SHLD2: variants seen among roughly 807,000 people sequenced by gnomAD.
SHLD2 encodes shieldin complex subunit 2.
SHLD2 carries 30 observed loss-of-function variants against 73.2 expected under a neutral mutation model. The observed-to-expected ratio is 0.41, with a 90% CI of 0.31 to 0.56. SHLD2 has a LOEUF of 0.56. SHLD2 is among the 20% of genes least tolerant of loss of function. The pLI, the probability that SHLD2 is intolerant of heterozygous loss-of-function variation, is 0.28. For synonymous variants in SHLD2, 285 were observed against 370.1 expected (o/e 0.77, Z 2.64); for missense variants, 745 against 1,055.9 (o/e 0.71, Z 4.08).
At chr10:87,173,380 A>G (rs1847737702) in intron 6 of SHLD2, among the ~76,000 whole-genome samples, 1 of 152,118 alleles carries the variant, frequency 6.6e-6, no homozygotes, top group African/African-American at 2.4e-5. Flanking sequence ...AAACATGGTC[A>G]GTCTTGTTTC....
intron 2 of SHLD2, among the ~76,000 whole-genome samples, chr10:87,101,724 C>T: frequency 6.6e-6 from 1 of 152,126 alleles, no homozygotes; most frequent in East Asian, 1.9e-4. Context: ...GCCTGGCCAT[C>T]ACAGAGAAAC....
intron 9 of SHLD2, among the ~76,000 whole-genome samples, chr10:87,190,030 A>G (rs1040867327): frequency 5.9e-5 from 9 of 152,068 alleles, no homozygotes; most frequent in African/African-American, 2.2e-4. Flanking sequence ...TGTAACTAGA[A>G]AGAGAAGGTA....
chr10:87,095,478 A>G (rs958011011), intron 1 of SHLD2, among the ~76,000 whole-genome samples: 2 of 152,042 alleles, frequency 1.3e-5, no homozygotes, highest in African/African-American at 4.8e-5. Flanking sequence ...TGGCGGCCTC[A>G]GGCCGGGGCC....
chr10:87,189,778 C>G lies in SHLD2; in HGVS notation c.2516-706C>G, dbSNP rs566199891. Among the ~76,000 whole-genome samples, 299 of 152,116 alleles carry G rather than the reference C, an allele frequency of 2.0e-3. 4 individuals carry two copies. Among genetic ancestry groups the G allele is most frequent in the Admixed American group, 0.014 (216 of 15,276 alleles). Reference sequence around the variant, plus strand: ...ATGCAAAATAAAATAACACATTTAGCTATACTTTTAGTATTTTTTATTATT... The same window carrying G: ...ATGCAAAATAAAATAACACATTTAGGTATACTTTTAGTATTTTTTATTATT... On this transcript the variant is annotated intron_variant, in intron 9 of 9. Coordinates refer to ENST00000298786, the MANE Select transcript of SHLD2 (RefSeq NM_001330112.2).
intron 6 of SHLD2, among the ~76,000 whole-genome samples, chr10:87,174,634 T>A (rs1440165768): frequency 6.6e-6 from 1 of 151,806 alleles, no homozygotes; most frequent in African/African-American, 2.4e-5. Context: ...TAAATTAGAT[T>A]TATGGCCTGA....
intron 2 of SHLD2, among the ~76,000 whole-genome samples, chr10:87,146,124 A>G (rs1216532590): frequency 6.6e-6 from 1 of 151,874 alleles, no homozygotes; most frequent in Admixed American, 6.6e-5. Context: ...TTCTAGTCAA[A>G]TTTTTTTTGG....
chr10:87,156,062 T>G (rs1347658911), intron 3 of SHLD2, among the ~76,000 whole-genome samples: 1 of 150,404 alleles, frequency 6.6e-6, no homozygotes, highest in East Asian at 1.9e-4. Context: ...CAAACAGAAA[T>G]CTTCCTTTTT....
At chr10:87,140,451 A>G (rs1008930994) in intron 2 of SHLD2, among the ~76,000 whole-genome samples, 3 of 151,740 alleles carry the variant, frequency 2.0e-5, no homozygotes, top group Non-Finnish European at 2.9e-5. Context: ...AAATAAGAAA[A>G]TAGTGGCTCA....
intron 2 of SHLD2, among the ~76,000 whole-genome samples, chr10:87,116,192 T>C (rs1487616263): frequency 6.6e-6 from 1 of 151,850 alleles, no homozygotes; most frequent in Admixed American, 6.6e-5. Flanking sequence ...AGCGTGGATA[T>C]TTGTTGAGAG....
At chr10:87,166,321 G>A (rs1018130815) in intron 4 of SHLD2, among the ~76,000 whole-genome samples, 1 of 131,258 alleles carries the variant, frequency 7.6e-6, no homozygotes, top group African/African-American at 2.9e-5. Flanking sequence ...CTGGATATAA[G>A]ATTAACATAC....
intron 8 of SHLD2, among the ~76,000 whole-genome samples, chr10:87,181,143 G>C (rs1848281465): frequency 6.6e-6 from 1 of 151,796 alleles, no homozygotes; most frequent in African/African-American, 2.4e-5. Context: ...CACTTTGGGA[G>C]GCCGGGGTGG....
chr10:87,103,367 C>T (rs542210463), intron 2 of SHLD2, among the ~76,000 whole-genome samples: 1 of 152,188 alleles, frequency 6.6e-6, no homozygotes, highest in South Asian at 2.1e-4. Context: ...ACAGCATAGG[C>T]AAAGCTTAAA....
intron 2 of SHLD2, among the ~76,000 whole-genome samples, chr10:87,132,267 G>C (rs1336229888): frequency 6.6e-6 from 1 of 151,980 alleles, no homozygotes; most frequent in Non-Finnish European, 1.5e-5. Context: ...CAGGTTATTT[G>C]GAAGGATTAT....
At chr10:87,119,734 CG>C (rs1843474083) in intron 2 of SHLD2, among the ~76,000 whole-genome samples, 1 of 150,864 alleles carries the variant, frequency 6.6e-6, no homozygotes, top group Non-Finnish European at 1.5e-5. Context: ...GCCAAGATCG[CG>C]CCACTGCACT....
Position 87,108,200 on chromosome 10 carries a change from T to A in SHLD2, c.-6+11211T>A, listed in dbSNP as rs752961460. 2.4e-4 allele frequency among the ~76,000 whole-genome samples: 37 copies of A among 152,054 alleles called. 1 individual carries two copies. Among genetic ancestry groups the A allele is most frequent in the Non-Finnish European group, 4.7e-4 (32 of 68,014 alleles). On this transcript the variant is annotated intron_variant, in intron 2 of 9. Coordinates refer to ENST00000298786, the MANE Select transcript of SHLD2 (RefSeq NM_001330112.2). Reference sequence around the variant, plus strand: ...AAGTAGCTGGGATTACAGGCATGCGTCACCACACCAGGCCAATTTTGTGTT... The same window carrying A: ...AAGTAGCTGGGATTACAGGCATGCGACACCACACCAGGCCAATTTTGTGTT...
intron 2 of SHLD2, among the ~76,000 whole-genome samples, chr10:87,135,012 GTTTT>G (rs564920044): frequency 1.3e-5 from 2 of 151,564 alleles, no homozygotes; most frequent in African/African-American, 4.8e-5. Context: ...AGCTCCTACA[GTTTT>G]TTTTTCTTTC....
rs1847926883 is a variant in SHLD2 at position 87,175,938 on chromosome 10, A to G, written c.2013A>G (p.Leu671=). The G allele has an allele frequency of 2.6e-6, 4 of 1,550,698 alleles. No homozygotes were observed. Among genetic ancestry groups the G allele is most frequent in the African/African-American group, 1.4e-5 (1 of 72,994 alleles). Reference sequence around the variant, plus strand: ...TTTTTGTTCAGTGCAATTACACACTAGAAAACCTAGAATTGCATACAACGC... The same window carrying G: ...TTTTTGTTCAGTGCAATTACACACTGGAAAACCTAGAATTGCATACAACGC... ...KYLFVQCNYT[L]ENLELHTTPW... is the part of the protein sequence containing the mutation. Residue 671 remains leucine, a synonymous_variant, in exon 7 of 10, where the codon CTA becomes CTG. Coordinates refer to ENST00000298786, the MANE Select transcript of SHLD2 (RefSeq NM_001330112.2).
intron 2 of SHLD2, among the ~76,000 whole-genome samples, chr10:87,110,265 G>A (rs931882215): frequency 2.6e-5 from 4 of 151,700 alleles, no homozygotes; most frequent in Non-Finnish European, 5.9e-5. Context: ...CTCCAGCCTG[G>A]GCAACAAGAG....
At chr10:87,160,499 A>T (rs1222541460) in intron 4 of SHLD2, among the ~76,000 whole-genome samples, 4 of 152,154 alleles carry the variant, frequency 2.6e-5, no homozygotes, top group African/African-American at 9.7e-5. Context: ...TTCTTAAATA[A>T]ATATAGCATC....
Sources: allele counts gnomAD v4.1 joint callset (sites outside exome capture counted in the v4.1 genomes callset), GRCh38; gene constraint gnomAD v4.1.1; transcripts MANE v1.5; gene names NCBI Gene and HGNC (gene_info 2026-07-23, HGNC 2026-07-21).